The following ROCK1 variants were observed in gnomAD, a reference collection of about 807,000 sequenced individuals.
ROCK1 encodes rho-associated protein kinase 1.
In ROCK1, 36 loss-of-function variants were observed where a neutral mutation model predicts 196.8. That is an observed-to-expected ratio of 0.18 (90% CI 0.14 to 0.24). The LOEUF (loss-of-function observed/expected upper bound fraction) is 0.24, where lower values mean the gene tolerates loss of function less well. Ranked by LOEUF, ROCK1 falls within the 10% of genes least tolerant of loss-of-function variation. ROCK1 has a pLI of 1.00. For missense variants in ROCK1, 920 were observed against 1,562.0 expected (o/e 0.59, Z 6.93); for synonymous variants, 443 against 515.9 (o/e 0.86, Z 1.91).
At chr18:20,966,623 T>A (rs535333940) in intron 27 of ROCK1, among the ~76,000 whole-genome samples, 1 of 152,346 alleles carries the variant, frequency 6.6e-6, no homozygotes, top group African/African-American at 2.4e-5. Context: ...AGTAGCAGCT[T>A]TGACTCTCAC....
At chr18:21,053,561 C>T (rs1185955730) in intron 2 of ROCK1, among the ~76,000 whole-genome samples, 1 of 152,180 alleles carries the variant, frequency 6.6e-6, no homozygotes, top group African/African-American at 2.4e-5. Flanking sequence ...TTGGGCTGGG[C>T]ATGATGGCTC....
intron 21 of ROCK1, among the ~76,000 whole-genome samples, chr18:20,980,450 A>T (rs2035520327): frequency 6.6e-6 from 1 of 152,140 alleles, no homozygotes; most frequent in South Asian, 2.1e-4. Flanking sequence ...AAAAACAGTC[A>T]TTGTCTGTGT....
intron 1 of ROCK1, among the ~76,000 whole-genome samples, chr18:21,074,186 T>C (rs2036410956): frequency 6.6e-6 from 1 of 152,080 alleles, no homozygotes; most frequent in Non-Finnish European, 1.5e-5. Context: ...TCAATCTCTC[T>C]TCACTTGATA....
chr18:21,066,189 A>AT (rs1491023431), intron 2 of ROCK1, among the ~76,000 whole-genome samples: 1 of 152,180 alleles, frequency 6.6e-6, no homozygotes, highest in East Asian at 1.9e-4. Context: ...TGTGTGAAAC[A>AT]TAAAAACACA....
At chr18:20,971,078 C>A (rs1460732783) in intron 22 of ROCK1, among the ~76,000 whole-genome samples, 3 of 152,232 alleles carry the variant, frequency 2.0e-5, no homozygotes, top group East Asian at 1.9e-4. Flanking sequence ...GGAAATGATA[C>A]TAAAACATTT....
At chr18:21,090,673 C>A (rs1407236138) in intron 1 of ROCK1, among the ~76,000 whole-genome samples, 1 of 152,204 alleles carries the variant, frequency 6.6e-6, no homozygotes, top group Non-Finnish European at 1.5e-5. Context: ...ATGATGTCAA[C>A]CATCTTCAGC....
intron 22 of ROCK1, among the ~76,000 whole-genome samples, chr18:20,971,554 A>G (rs2035428583): frequency 6.6e-6 from 1 of 151,722 alleles, no homozygotes; most frequent in South Asian, 2.1e-4. Flanking sequence ...CTGCCAACGT[A>G]GTGGAACCCC....
chr18:21,110,483 C>G (rs1456149613), intron 1 of ROCK1, among the ~76,000 whole-genome samples: 1 of 152,198 alleles, frequency 6.6e-6, no homozygotes, highest in African/African-American at 2.4e-5. Flanking sequence ...TTAATTACTA[C>G]GATCGCCATT....
chr18:20,959,880 C>A lies in ROCK1; in HGVS notation c.3472G>T (p.Asp1158Tyr). Residue 1158 changes from aspartate (D) to tyrosine (Y), a missense_variant, in exon 29 of 33, where the codon GAT becomes TAT. Physicochemically the swap from Asp to Tyr is radical, Grantham distance 160. Around this residue, in one of 6 missense-constraint regions of ROCK1, gnomAD observed 116 missense variants for 204.2 expected, o/e 0.57. Coordinates refer to ENST00000399799, the MANE Select transcript of ROCK1 (RefSeq NM_005406.3). ...KKILFYNDEQ[D>Y]KEQSNPSMVL... ...ATAGATGGATTGGATTGCTCCTTAT[C>A]TTGTTCGTCATTATAGAACAAAATT... is the stretch of plus-strand genomic sequence containing the variant. 1 of 1,611,608 alleles carries A rather than the reference C, an allele frequency of 6.2e-7. No homozygotes were observed. The highest frequency in any genetic ancestry group is 8.5e-7 in the Non-Finnish European group (1 of 1,178,552).
At chr18:21,008,686 A>G (rs2035789651) in intron 13 of ROCK1, among the ~76,000 whole-genome samples, 1 of 152,238 alleles carries the variant, frequency 6.6e-6, no homozygotes, top group African/African-American at 2.4e-5. Context: ...AACCTGTTTT[A>G]CAGTGTTTCT....
chr18:20,996,656 A>G (rs2035673501), intron 16 of ROCK1, among the ~76,000 whole-genome samples: 2 of 152,236 alleles, frequency 1.3e-5, no homozygotes, highest in African/African-American at 2.4e-5. Context: ...CTACTGTAAC[A>G]CTGCAATTGC....
At chr18:20,982,978 TAC>T in intron 20 of ROCK1, 146 bp from the exon 21 acceptor site, 1 of 518,944 alleles carries the variant, frequency 1.9e-6, no homozygotes, top group Admixed American at 3.7e-5. Context: ...TTCATTATTT[TAC>T]TAATTAACTT....
intron 16 of ROCK1, among the ~76,000 whole-genome samples, chr18:21,003,932 TAA>T (rs913826896): frequency 6.6e-6 from 1 of 152,168 alleles, no homozygotes. Context: ...AAAAGACTTT[TAA>T]AAATGGTTAA....
intron 1 of ROCK1, among the ~76,000 whole-genome samples, chr18:21,073,848 T>C (rs1193431275): frequency 6.6e-6 from 1 of 152,128 alleles, no homozygotes; most frequent in African/African-American, 2.4e-5. Context: ...TGTAGTAGAA[T>C]GTTGTTTTAA....
At chr18:21,100,664 A>G in intron 1 of ROCK1, among the ~76,000 whole-genome samples, 1 of 152,278 alleles carries the variant, frequency 6.6e-6, no homozygotes, top group East Asian at 1.9e-4. Flanking sequence ...TATGGATCAT[A>G]TCAACAGGCT....
At chr18:21,084,195 A>C (rs2036506434) in intron 1 of ROCK1, among the ~76,000 whole-genome samples, 1 of 151,982 alleles carries the variant, frequency 6.6e-6, no homozygotes, top group African/African-American at 2.4e-5. Context: ...CATAGGGGGA[A>C]GCTTCAGGAC....
chr18:21,005,515 C>T (rs1030273108), intron 16 of ROCK1, among the ~76,000 whole-genome samples: 2 of 152,164 alleles, frequency 1.3e-5, no homozygotes, highest in African/African-American at 4.8e-5. Flanking sequence ...ACATTACATA[C>T]CCTGCAGGAG....
rs1042826594 is a variant in ROCK1, at chr18:20,991,468, A to G, written c.1993-142T>C. On this transcript the variant is annotated intron_variant, in intron 17 of 32. Transcript: ENST00000399799. ...ACACATATAATTAAAAGCAAAAGAT[A>G]ATCTTTTCTTTACCCCCTCCCTTCC... is the stretch of plus-strand genomic sequence containing the variant. 1.2e-5 allele frequency: 7 copies of G among 606,958 alleles called. No individual in the cohort carries two copies. The African/African-American group carries it at 1.3e-4, about 11-fold the overall frequency. The allele number at this position is 606,958 out of a possible 1,614,324, so 37.6% of individuals were successfully genotyped here.
At position 20,979,982 on chromosome 18, in the gene ROCK1, T is replaced by C; in HGVS notation, c.2582A>G (p.Lys861Arg). ...YFSTLYKTQV[K>R]ELKEEIEEKN... ...TTCTTCAATTTCTTCTTTAAGTTCC[T>C]TTACCTGGGTTTTATAAAGTGTCTG... The change falls in exon 22 of 33, where the codon AAG (lysine) becomes AGG (arginine). Residue 861 changes from lysine to arginine, a missense_variant. This residue lies in a region of ROCK1 where 520 missense variants were observed against 657.1 expected (regional missense o/e 0.79). Coordinates refer to ENST00000399799, the MANE Select transcript of ROCK1 (RefSeq NM_005406.3). 2 of 1,554,840 alleles carry C rather than the reference T, an allele frequency of 1.3e-6. No individual in the cohort carries two copies. The highest frequency in any genetic ancestry group is 1.7e-6 in the Non-Finnish European group (2 of 1,148,394).
Sources: allele counts gnomAD v4.1 joint callset (sites outside exome capture counted in the v4.1 genomes callset), GRCh38; gene constraint gnomAD v4.1.1; regional missense constraint gnomAD v4.1.1; transcripts MANE v1.5; gene names NCBI Gene and HGNC (gene_info 2026-07-23, HGNC 2026-07-21).